TAFA2: variants seen among roughly 807,000 people sequenced by gnomAD.
The protein encoded by TAFA2 is chemokine-like protein TAFA-2.
Under a neutral mutation model 18.8 loss-of-function variants are expected in TAFA2, and 7 were observed. The ratio of observed to expected loss-of-function variants is 0.37; its 90% confidence interval spans 0.21 to 0.70. TAFA2 has a LOEUF of 0.70. TAFA2 is among the 30% of genes least tolerant of loss of function. TAFA2 has a pLI of 0.53. For synonymous variants in TAFA2, 60 were observed against 54.2 expected (o/e 1.11, Z -0.47); for missense variants, 122 against 158.1 (o/e 0.77, Z 1.23).
intron 1 of TAFA2, among the ~76,000 whole-genome samples, chr12:61,896,598 C>T (rs1207202108): frequency 1.3e-5 from 2 of 152,176 alleles, no homozygotes; most frequent in Non-Finnish European, 2.9e-5. Context: ...TTTCAATCTG[C>T]TTGTTTTAAT....
At chr12:61,866,990 G>C (rs1874382388) in intron 2 of TAFA2, among the ~76,000 whole-genome samples, 1 of 151,386 alleles carries the variant, frequency 6.6e-6, no homozygotes, top group South Asian at 2.1e-4. Context: ...ACAACGTGCA[G>C]GTTTGTTACG....
At chr12:61,841,758 G>A (rs558234457) in intron 2 of TAFA2, among the ~76,000 whole-genome samples, 18 of 152,052 alleles carry the variant, frequency 1.2e-4, no homozygotes, top group African/African-American at 2.9e-4. Context: ...TGTTCTCATC[G>A]CAACAAAGAC....
intron 1 of TAFA2, among the ~76,000 whole-genome samples, chr12:61,983,761 C>T (rs370289423): frequency 4.6e-5 from 7 of 152,146 alleles, no homozygotes; most frequent in East Asian, 1.9e-4. Flanking sequence ...CTTCTCAGAG[C>T]TGAAAATGAG....
chr12:61,991,371 A>G (rs1880005013), intron 1 of TAFA2, among the ~76,000 whole-genome samples: 1 of 152,230 alleles, frequency 6.6e-6, no homozygotes, highest in African/African-American at 2.4e-5. Context: ...CTTAAAAATT[A>G]TTAAATCATA....
chr12:62,188,350 A>G (rs1243818858), intron 1 of TAFA2, among the ~76,000 whole-genome samples: 1 of 152,182 alleles, frequency 6.6e-6, no homozygotes, highest in African/African-American at 2.4e-5. Flanking sequence ...CTAATAAAAT[A>G]CTGCAGAAGT....
intron 1 of TAFA2, among the ~76,000 whole-genome samples, chr12:61,878,366 A>C (rs1874961786): frequency 6.6e-6 from 1 of 152,168 alleles, no homozygotes; most frequent in Non-Finnish European, 1.5e-5. Context: ...AAGAGTCGTA[A>C]TGGGAACAGC....
intron 1 of TAFA2, among the ~76,000 whole-genome samples, chr12:61,932,132 A>T (rs1180716494): frequency 6.6e-6 from 1 of 152,240 alleles, no homozygotes; most frequent in Non-Finnish European, 1.5e-5. Context: ...ATAAATGAAA[A>T]GCAGCCAAAT....
chr12:61,898,248 G>A (rs565311501), intron 1 of TAFA2, among the ~76,000 whole-genome samples: 1 of 152,314 alleles, frequency 6.6e-6, no homozygotes, highest in South Asian at 2.1e-4. Flanking sequence ...ATCTTTTCCA[G>A]ATGCATGGTG....
At chr12:62,120,812 C>T (rs1031516731) in intron 1 of TAFA2, among the ~76,000 whole-genome samples, 2 of 151,560 alleles carry the variant, frequency 1.3e-5, no homozygotes, top group African/African-American at 4.8e-5. Context: ...TTTCCAATGG[C>T]TGCATTATGG....
chr12:61,838,484 G>A (rs1017440171), intron 2 of TAFA2, among the ~76,000 whole-genome samples: 3 of 152,000 alleles, frequency 2.0e-5, no homozygotes, highest in Non-Finnish European at 4.4e-5. Context: ...GCAGACAGAA[G>A]ACACTGAAAG....
intron 4 of TAFA2, among the ~76,000 whole-genome samples, chr12:61,734,294 C>T (rs548611502): frequency 6.9e-5 from 10 of 143,888 alleles, no homozygotes; most frequent in Non-Finnish European, 1.5e-4. Flanking sequence ...TGTTCTCACT[C>T]ATAGGTGGGA....
At chr12:62,096,964 A>G (rs180873332) in intron 1 of TAFA2, among the ~76,000 whole-genome samples, 2 of 151,952 alleles carry the variant, frequency 1.3e-5, no homozygotes, top group African/African-American at 2.4e-5. Context: ...CATTTTGCAT[A>G]TCTCTCTCTC....
chr12:62,234,981 T>A, intron 1 of TAFA2: 1 of 675,874 alleles, frequency 1.5e-6, no homozygotes. Flanking sequence ...CAATGTTTCA[T>A]CAGAAGGTAC....
chr12:62,035,026 T>C (rs1881561157), intron 1 of TAFA2, among the ~76,000 whole-genome samples: 2 of 152,206 alleles, frequency 1.3e-5, no homozygotes, highest in South Asian at 2.1e-4. Flanking sequence ...TATACTGTTT[T>C]GCCTATAACT....
At chr12:61,800,369 C>T (rs561022407) in intron 2 of TAFA2, among the ~76,000 whole-genome samples, 1 of 151,978 alleles carries the variant, frequency 6.6e-6, no homozygotes. Flanking sequence ...CAGCTTGATG[C>T]AATTTACATT....
chr12:62,196,605 A>G (rs985677103), upstream of TAFA2, among the ~76,000 whole-genome samples: 7 of 152,198 alleles, frequency 4.6e-5, no homozygotes, highest in Non-Finnish European at 8.8e-5. Context: ...AACAGTCAGA[A>G]CCACACAACA....
intron 1 of TAFA2, among the ~76,000 whole-genome samples, chr12:62,022,407 A>G (rs569449119): frequency 3.0e-4 from 45 of 152,302 alleles, no homozygotes; most frequent in African/African-American, 1.1e-3. Context: ...CAACACTGGG[A>G]TGTAAGGATT....
intron 1 of TAFA2, among the ~76,000 whole-genome samples, chr12:62,010,093 A>G (rs558283034): frequency 3.2e-4 from 48 of 152,198 alleles, no homozygotes; most frequent in African/African-American, 1.1e-3. Context: ...TACTTTTCCA[A>G]CATTCAAAAT....
At chr12:61,884,460 A>G (rs1187856489) in intron 1 of TAFA2, among the ~76,000 whole-genome samples, 1 of 152,180 alleles carries the variant, frequency 6.6e-6, no homozygotes, top group Admixed American at 6.5e-5. Flanking sequence ...CATAAATAGA[A>G]AGAAACTCTT....
Sources: gnomAD v4.1 joint callset for allele counts (sites outside exome capture counted in the v4.1 genomes callset) on GRCh38, gnomAD v4.1.1 for gene constraint, MANE v1.5 for transcripts, NCBI Gene and HGNC (gene_info 2026-07-23, HGNC 2026-07-21) for gene names.